The following DGKI variants were observed in gnomAD, a reference collection of about 807,000 sequenced individuals.
DGKI encodes the protein diacylglycerol kinase iota, also known as DAG kinase iota.
Under a neutral mutation model 147.5 loss-of-function variants are expected in DGKI, and 55 were observed. The ratio of observed to expected loss-of-function variants is 0.37; its 90% CI spans 0.30 to 0.47. DGKI has a LOEUF of 0.47. DGKI is among the 20% of genes least tolerant of loss of function. DGKI has a pLI of 1.00. For missense variants in DGKI, 1,007 were observed against 1,323.8 expected, an observed-to-expected ratio of 0.76 and a Z score of 3.71; for synonymous variants, 469 against 477.1, an observed-to-expected ratio of 0.98 and a Z score of 0.22.
rs1817856924 is a variant in DGKI, at chr7:137,546,103, G to A, written c.2147+6266C>T. The A allele has an allele frequency of 7.3e-6, 4 of 545,932 alleles. No individual in the cohort carries two copies. The East Asian group carries it at 1.2e-4, about 16-fold the overall frequency. The allele number at this position is 545,932 out of a possible 1,614,324, so 33.8% of individuals were successfully genotyped here. A position where few individuals can be genotyped will look rare whatever the true frequency, so the allele number is the denominator to read the frequency against. ...GCGCATCACCGAACAGCGAAGGAAA[G>A]GAAAAGGAAAACCAAGCCAGCCACG... On this transcript the variant is annotated intron_variant, in intron 20 of 32. Coordinates refer to ENST00000614521, the MANE Select transcript of DGKI (RefSeq NM_001321708.2).
chr7:137,843,695 T>A (rs1798618593), intron 1 of DGKI, among the ~76,000 whole-genome samples: 1 of 151,480 alleles, frequency 6.6e-6, no homozygotes, highest in Non-Finnish European at 1.5e-5. Flanking sequence ...CCACTCCTCA[T>A]TTATTTTTAA....
intron 1 of DGKI, among the ~76,000 whole-genome samples, chr7:137,809,479 C>A (rs1220806153): frequency 6.6e-6 from 1 of 152,150 alleles, no homozygotes; most frequent in Non-Finnish European, 1.5e-5. Context: ...TATCAGCCTG[C>A]AGTCTCGGGC....
At chr7:137,612,049 T>C (rs1421144105) in intron 8 of DGKI, among the ~76,000 whole-genome samples, 3 of 152,162 alleles carry the variant, frequency 2.0e-5, no homozygotes, top group Admixed American at 1.3e-4. Context: ...CAGGCTAAGA[T>C]TGTTTCCTAA....
At chr7:137,440,965 G>T (rs1370808040) in intron 28 of DGKI, among the ~76,000 whole-genome samples, 2 of 152,036 alleles carry the variant, frequency 1.3e-5, no homozygotes, top group Non-Finnish European at 2.9e-5. Context: ...GGTTTCCAGA[G>T]AAAATTTAAT....
intron 19 of DGKI, among the ~76,000 whole-genome samples, chr7:137,554,442 A>AGTTAG (rs1486598036): frequency 6.6e-6 from 1 of 152,176 alleles, no homozygotes; most frequent in African/African-American, 2.4e-5. Flanking sequence ...TCTTCTGAGA[A>AGTTAG]CGTCAGATAT....
chr7:137,685,576 A>C (rs1422762560), intron 2 of DGKI, among the ~76,000 whole-genome samples: 1 of 152,224 alleles, frequency 6.6e-6, no homozygotes, highest in Non-Finnish European at 1.5e-5. Flanking sequence ...CTAAACTGGG[A>C]ACTTGGAATC....
intron 16 of DGKI, among the ~76,000 whole-genome samples, chr7:137,577,745 G>A (rs1302446945): frequency 1.3e-5 from 2 of 152,014 alleles, no homozygotes; most frequent in Non-Finnish European, 2.9e-5. Flanking sequence ...TGATATTTTG[G>A]ATGCCTTTTT....
At position 137,526,938 on chromosome 7, in the gene DGKI, G is replaced by A. The variant is rs151338119; in HGVS notation, c.2148-4972C>T. Among the ~76,000 whole-genome samples the A allele has an allele frequency of 6.0e-4, 91 of 152,182 alleles. No homozygotes were observed. In the East Asian group the frequency reaches 0.017, roughly 28 times the overall value. ...TATGGATAAAGTGGATGGGCTGAGC[G>A]TTTTGGTTCTCCAGGGTCACTTTTA... On this transcript the variant is annotated intron_variant, in intron 20 of 32. Coordinates refer to ENST00000614521, the MANE Select transcript of DGKI (RefSeq NM_001321708.2).
At chr7:137,511,330 G>A (rs1351121009) in intron 21 of DGKI, among the ~76,000 whole-genome samples, 1 of 152,180 alleles carries the variant, frequency 6.6e-6, no homozygotes, top group South Asian at 2.1e-4. Context: ...TTTATATTCA[G>A]GTTTCCACTT....
intron 21 of DGKI, among the ~76,000 whole-genome samples, chr7:137,510,163 A>G (rs118099036): frequency 6.6e-6 from 1 of 152,382 alleles, no homozygotes; most frequent in East Asian, 1.9e-4. Context: ...CCAAAGGTCC[A>G]GACCAAATAG....
chr7:137,454,017 C>T (rs899291162), intron 27 of DGKI, among the ~76,000 whole-genome samples: 3 of 151,448 alleles, frequency 2.0e-5, no homozygotes, highest in South Asian at 4.2e-4. Context: ...GGTCAAAGGA[C>T]GTATAATTAC....
chr7:137,653,751 G>T (rs1822119274), intron 5 of DGKI, among the ~76,000 whole-genome samples: 1 of 152,178 alleles, frequency 6.6e-6, no homozygotes, highest in South Asian at 2.1e-4. Context: ...GGGTAAATCT[G>T]TAAGTGGAAC....
chr7:137,621,535 A>C (rs1820747268), intron 7 of DGKI, among the ~76,000 whole-genome samples: 1 of 152,246 alleles, frequency 6.6e-6, no homozygotes, highest in African/African-American at 2.4e-5. Flanking sequence ...GACATCAAAT[A>C]TCCTAGAAGG....
chr7:137,740,131 A>G (rs1251069181), intron 1 of DGKI, among the ~76,000 whole-genome samples: 1 of 152,216 alleles, frequency 6.6e-6, no homozygotes, highest in Non-Finnish European at 1.5e-5. Context: ...TTGGAAATTC[A>G]GGATTCTGAC....
At chr7:137,445,493 T>A (rs752792916) in intron 27 of DGKI, among the ~76,000 whole-genome samples, 7 of 152,158 alleles carry the variant, frequency 4.6e-5, no homozygotes, top group Non-Finnish European at 1.0e-4. Context: ...TAGGGTTGAT[T>A]TATCCTCCCA....
At position 137,462,211 on chromosome 7, in the gene DGKI, A is replaced by AT. The variant is rs537925708; in HGVS notation, c.2735+1277dup. On this transcript the variant is annotated intron_variant, in intron 27 of 32. Coordinates refer to ENST00000614521, the MANE Select transcript of DGKI (RefSeq NM_001321708.2). ...ATTTCTGTAGCTAATTAAAACACTA[A>AT]TTTTCCAATAAGTCTGCCAACAGAT... Among the ~76,000 whole-genome samples the AT allele has an allele frequency of 3.5e-3, 525 of 152,172 alleles. 4 individuals carry two copies. Among genetic ancestry groups the AT allele is most frequent in the African/African-American group, 0.012 (479 of 41,520 alleles).
At chr7:137,595,426 A>C (rs1819752312) in intron 12 of DGKI, among the ~76,000 whole-genome samples, 1 of 152,190 alleles carries the variant, frequency 6.6e-6, no homozygotes, top group African/African-American at 2.4e-5. Context: ...GTCTCTCCTT[A>C]AAAATGTAAC....
At chr7:137,478,095 G>T (rs578129732) in intron 23 of DGKI, among the ~76,000 whole-genome samples, 1 of 152,242 alleles carries the variant, frequency 6.6e-6, no homozygotes, top group Non-Finnish European at 1.5e-5. Context: ...AAACCAAACA[G>T]AAGTCTAGAA....
chr7:137,726,381 A>T (rs1401980690), intron 1 of DGKI, among the ~76,000 whole-genome samples: 1 of 152,158 alleles, frequency 6.6e-6, no homozygotes, highest in Non-Finnish European at 1.5e-5. Flanking sequence ...TTTCCCTTCC[A>T]ATCCAAGTCC....
Sources: gnomAD v4.1 joint callset for allele counts (sites outside exome capture counted in the v4.1 genomes callset) on GRCh38, gnomAD v4.1.1 for gene constraint, MANE v1.5 for transcripts, NCBI Gene and HGNC (gene_info 2026-07-23, HGNC 2026-07-21) for gene names.